The following ARHGAP33 variants were observed in gnomAD, a reference collection of about 807,000 sequenced individuals.
The protein encoded by ARHGAP33 is Rho GTPase activating protein 33.
ARHGAP33 carries 57 observed loss-of-function variants against 126.2 expected under a neutral mutation model. The observed-to-expected ratio is 0.45, with a 90% CI of 0.36 to 0.56. ARHGAP33 has a LOEUF of 0.56. Among genes scored for constraint, ARHGAP33 ranks in the 20% least tolerant of loss-of-function variants. The pLI is 0.00. For missense variants in ARHGAP33, 1,500 were observed against 1,748.3 expected, an observed-to-expected ratio of 0.86 and a Z score of 2.53; for synonymous variants, 711 against 755.0, an observed-to-expected ratio of 0.94 and a Z score of 0.95.
In ARHGAP33 at chr19:35,787,609, C is replaced by T; in HGVS notation, c.3044C>T (p.Ala1015Val). 1 of 1,604,978 alleles carries T rather than the reference C, an allele frequency of 6.2e-7. No individual in the cohort carries two copies. Among genetic ancestry groups the T allele is most frequent in the Non-Finnish European group, 8.5e-7 (1 of 1,177,266 alleles). ...GGCGGGGGCAGGGATGCGCCAGAGG[C>T]AGCAGCCCAGTCCCCATGTTCTGTC... is the stretch of plus-strand genomic sequence containing the variant. Reference protein sequence around the residue: ...AGGGGRDAPEAAAQSPCSVPS... With the variant: ...AGGGGRDAPEVAAQSPCSVPS... The change falls in exon 21 of 21, where the codon GCA becomes GTA. Residue 1015 changes from alanine (A) to valine (V), a missense_variant. Ala to Val is a moderately conservative substitution (Grantham distance 64, BLOSUM62 0). Coordinates refer to ENST00000007510, the MANE Select transcript of ARHGAP33 (RefSeq NM_001366178.1).
Position 35,786,715 on chromosome 19 carries a change from A to C in ARHGAP33, c.2245A>C (p.Ser749Arg). ...TGATCCCTTAACCTTCCGCTGCAGCAGCCCCACCCCAGGGGATCCCGCACC... is the reference window on the plus strand; with the variant it reads ...TGATCCCTTAACCTTCCGCTGCAGCCGCCCCACCCCAGGGGATCCCGCACC... ...DFDPLTFRCSSPTPGDPAPPA... is the reference protein window; with the variant it reads ...DFDPLTFRCSRPTPGDPAPPA... Residue 749 changes from serine (S) to arginine (R), a missense_variant, in exon 20 of 21, where the codon AGC becomes CGC. Coordinates refer to ENST00000007510, the MANE Select transcript of ARHGAP33 (RefSeq NM_001366178.1). This position sits in a 1 kb window ranked among gnomAD's most constrained non-coding sequence, Gnocchi z 7.0. The C allele has an allele frequency of 1.3e-6, 2 of 1,534,108 alleles. No individual in the cohort carries two copies. The highest frequency in any genetic ancestry group is 1.7e-6 in the Non-Finnish European group (2 of 1,145,976).
chr19:35,786,406 C>T lies in ARHGAP33; in HGVS notation c.1943-7C>T, dbSNP rs3746272. On this transcript the variant is annotated splice_region_variant and splice_polypyrimidine_tract_variant and intron_variant, in intron 19 of 20. Coordinates refer to ENST00000007510, the MANE Select transcript of ARHGAP33 (RefSeq NM_001366178.1). The surrounding 1 kb of genome is among the most constrained non-coding windows in gnomAD (Gnocchi z 7.0). ...CAGGGATGGTCTCACTGACCCCACC[C>T]CTCCAGGCCTCCAGAGGCTGCACAG... 1.5e-3 allele frequency: 2,344 copies of T among 1,526,050 alleles called. 29 individuals are homozygous for T. In the East Asian group the frequency reaches 0.036, roughly 23 times the overall value. 94.5% of individuals were successfully genotyped at this position (1,526,050 alleles called of 1,614,324 possible).
chr19:35,784,229 G>C lies in ARHGAP33; in HGVS notation c.1479G>C (p.Arg493=). 1 of 1,612,296 alleles carries C rather than the reference G, an allele frequency of 6.2e-7. No homozygotes were observed. The highest frequency in any genetic ancestry group is 8.5e-7 in the Non-Finnish European group (1 of 1,179,006). The part of the protein sequence containing the change: ...MGGAAAFREV[R]VQSVVVEFLL... ...GCGCGGCGGCGTTCCGGGAAGTTCG[G>C]GTGCAGTCGGTGGTGGTGGAGTTTC... The change falls in exon 16 of 21, where the codon CGG becomes CGC. Residue 493 remains arginine (R), a synonymous_variant. Transcript: ENST00000007510.
At chr19:35,784,040 G>A (rs542186783) in intron 15 of ARHGAP33, 132 bp from the exon 16 acceptor site, 13 of 680,708 alleles carry the variant, frequency 1.9e-5, no homozygotes, top group Non-Finnish European at 3.1e-5. Context: ...AGAGCCCAGC[G>A]AGGCGTGATC....
Position 35,786,449 on chromosome 19 carries a change from C to T in ARHGAP33, c.1979C>T (p.Ser660Phe), listed in dbSNP as rs1248137375. Reference sequence around the variant, plus strand: ...CTGCACAGGCTGCGGCGACCCCACTCCAGCAGCGACGCTTTCCCTGTGGGC... The same window carrying T: ...CTGCACAGGCTGCGGCGACCCCACTTCAGCAGCGACGCTTTCCCTGTGGGC... ...QRLHRLRRPH[S>F]SSDAFPVGPA... Residue 660 changes from serine to phenylalanine, a missense_variant, in exon 20 of 21, where the codon TCC (serine) becomes TTC (phenylalanine). Physicochemically the swap from Ser to Phe is radical, Grantham distance 155 (BLOSUM62 -2). This residue lies in a region of ARHGAP33 where 300 missense variants were observed against 291.1 expected (regional missense o/e 1.03). Transcript: ENST00000007510. The surrounding 1 kb of genome is among the most constrained non-coding windows in gnomAD (Gnocchi z 7.0). 1 of 1,535,580 alleles carries T rather than the reference C, an allele frequency of 6.5e-7. No individual in the cohort carries two copies. Among genetic ancestry groups the T allele is most frequent in the African/African-American group, 1.4e-5 (1 of 72,994 alleles).
At chr19:35,781,386 C>T (rs1043997933) in intron 12 of ARHGAP33, 134 bp downstream of exon 12, 35 of 854,284 alleles carry the variant, frequency 4.1e-5, no homozygotes, top group Middle Eastern at 3.2e-4. Context: ...TCAGGGACAG[C>T]TCTCTTGAGA....
chr19:35,781,433 G>A (rs896200863), intron 12 of ARHGAP33, among the ~76,000 whole-genome samples, 181 bp downstream of exon 12: 1 of 152,168 alleles, frequency 6.6e-6, no homozygotes, highest in African/African-American at 2.4e-5. Flanking sequence ...TATCTTCACC[G>A]AGCACCTGCC....
intron 1 of ARHGAP33, 97 bp from the exon 2 acceptor site, chr19:35,777,548 A>G (rs1308559847): frequency 5.1e-6 from 5 of 974,210 alleles, no homozygotes; most frequent in Non-Finnish European, 7.9e-6. Context: ...CGGTGTGTGG[A>G]GCGCCCGGGG....
At chr19:35,778,967 T>C (rs767893421) in intron 5 of ARHGAP33, 65 bp from the exon 6 acceptor site, 33 of 1,323,390 alleles carry the variant, frequency 2.5e-5, no homozygotes, top group Non-Finnish European at 3.4e-5. Context: ...GCTAGGGCAG[T>C]GTGGGAGGGC....
In ARHGAP33 at chr19:35,786,500, G is replaced by A. The variant is rs1237280329; in HGVS notation, c.2030G>A (p.Ser677Asn). Reference sequence around the variant, plus strand: ...CCAGCACCTGCTGGCTCCTGCGAGAGCCTGTCCTCGTCCTCCTCCTCCGAG... The same window carrying A: ...CCAGCACCTGCTGGCTCCTGCGAGAACCTGTCCTCGTCCTCCTCCTCCGAG... ...VGPAPAGSCESLSSSSSSESS... is the reference protein window; with the variant it reads ...VGPAPAGSCENLSSSSSSESS... Residue 677 changes from serine to asparagine, a missense_variant, in exon 20 of 21, where the codon AGC becomes AAC. By Grantham distance (46) the Ser-to-Asn change is conservative. This residue lies in a region of ARHGAP33 where 300 missense variants were observed against 291.1 expected (regional missense o/e 1.03). Coordinates refer to ENST00000007510, the MANE Select transcript of ARHGAP33 (RefSeq NM_001366178.1). This position sits in a 1 kb window ranked among gnomAD's most constrained non-coding sequence, Gnocchi z 7.0. 1 of 1,535,872 alleles carries A rather than the reference G, an allele frequency of 6.5e-7. No individual in the cohort carries two copies. Among genetic ancestry groups the A allele is most frequent in the African/African-American group, 1.4e-5 (1 of 72,978 alleles).
chr19:35,786,026 G>A lies in ARHGAP33; in HGVS notation c.1943-387G>A. The A allele has an allele frequency of 1.8e-6, 2 of 1,135,136 alleles. No individual in the cohort carries two copies. Among genetic ancestry groups the A allele is most frequent in the South Asian group, 3.0e-5 (1 of 33,002 alleles). 70.3% of individuals were successfully genotyped at this position (1,135,136 alleles called of 1,614,324 possible). On this transcript the variant is annotated intron_variant, in intron 19 of 20. Coordinates refer to ENST00000007510, the MANE Select transcript of ARHGAP33 (RefSeq NM_001366178.1). The surrounding 1 kb of genome is among the most constrained non-coding windows in gnomAD (Gnocchi z 7.0). ...CTCACAGCCCGCCGCGCTGCTGGGTGCTGCTCTCCGACCTCTGCGGGGGGC... is the reference window on the plus strand; with the variant it reads ...CTCACAGCCCGCCGCGCTGCTGGGTACTGCTCTCCGACCTCTGCGGGGGGC...
chr19:35,780,087 G>C lies in ARHGAP33; in HGVS notation c.502-124G>C, dbSNP rs1243743929. ...CAGGAATCTAGGTGTTTGACCAATA[G>C]CTCTGAGTGACAGGGGCTCTTGACG... On this transcript the variant is annotated intron_variant, in intron 6 of 20. Coordinates refer to ENST00000007510, the MANE Select transcript of ARHGAP33 (RefSeq NM_001366178.1). 11 of 1,354,772 alleles carry C rather than the reference G, an allele frequency of 8.1e-6. No homozygotes were observed. The East Asian group carries it at 2.3e-4, about 28-fold the overall frequency. The allele number at this position is 1,354,772 out of a possible 1,614,324, so 83.9% of individuals were successfully genotyped here.
chr19:35,785,308 G>A lies in ARHGAP33; in HGVS notation c.1841G>A (p.Gly614Asp). The change falls in exon 18 of 21, where the codon GGC becomes GAC. Residue 614 changes from glycine (G) to aspartate (D), a missense_variant. Gly to Asp is a moderately conservative substitution (Grantham distance 94). Coordinates refer to ENST00000007510, the MANE Select transcript of ARHGAP33 (RefSeq NM_001366178.1). ...AAGAAGCCCCTGCCCTGGCTGGGGG[G>A]CACCCGTGCCCCACCGCAGCCTTCA... ...PRKKPLPWLGGTRAPPQPSGS... is the reference protein window; with the variant it reads ...PRKKPLPWLGDTRAPPQPSGS... 1 of 1,606,490 alleles carries A rather than the reference G, an allele frequency of 6.2e-7. No individual in the cohort carries two copies. Among genetic ancestry groups the A allele is most frequent in the Non-Finnish European group, 8.5e-7 (1 of 1,175,598 alleles).
intron 2 of ARHGAP33, 39 bp downstream of exon 2, chr19:35,777,781 G>A: frequency 1.2e-6 from 2 of 1,613,798 alleles, no homozygotes; most frequent in Non-Finnish European, 1.7e-6. Context: ...TAGGAGCTGG[G>A]GAGACTCAAG....
chr19:35,778,724 T>C lies in ARHGAP33; in HGVS notation c.408+123T>C, dbSNP rs750777656. ...GGTATGGCCCAAGTCCCAACCAATCTGAATGAATGGAGAAGCCTTAGAAAC... is the reference window on the plus strand; with the variant it reads ...GGTATGGCCCAAGTCCCAACCAATCCGAATGAATGGAGAAGCCTTAGAAAC... On this transcript the variant is annotated intron_variant, in intron 5 of 20. Transcript: ENST00000007510. The C allele has an allele frequency of 2.3e-6, 3 of 1,323,668 alleles. No individual in the cohort carries two copies. The Admixed American group carries it at 8.3e-5, about 37-fold the overall frequency. 82.0% of individuals were successfully genotyped at this position (1,323,668 alleles called of 1,614,324 possible).
chr19:35,778,304 G>T lies in ARHGAP33; in HGVS notation c.214G>T (p.Gly72Trp), dbSNP rs1478896656. 2 of 1,614,082 alleles carry T rather than the reference G, an allele frequency of 1.2e-6. No individual in the cohort carries two copies. Among genetic ancestry groups the T allele is most frequent in the African/African-American group, 2.7e-5 (2 of 74,926 alleles). Residue 72 changes from glycine (G) to tryptophan (W), a missense_variant, in exon 4 of 21, where the codon GGG becomes TGG. Physicochemically the swap from Gly to Trp is radical, Grantham distance 184 (BLOSUM62 -2). This residue lies in a region of ARHGAP33 where 129 missense variants were observed against 145.9 expected (regional missense o/e 0.88). Transcript: ENST00000007510. Reference protein sequence around the residue: ...IQLLLSPDREGPSLSGENELV... With the variant: ...IQLLLSPDREWPSLSGENELV... ...GCTCCTGCTGTCTCCAGACCGTGAAGGGCCCAGCCTCTCTGGAGAGAATGA... is the reference window on the plus strand; with the variant it reads ...GCTCCTGCTGTCTCCAGACCGTGAATGGCCCAGCCTCTCTGGAGAGAATGA...
chr19:35,787,132 G>C, intron 20 of ARHGAP33, 36 bp from the exon 21 acceptor site: 1 of 1,604,738 alleles, frequency 6.2e-7, no homozygotes, highest in Non-Finnish European at 8.5e-7. Flanking sequence ...CTGAGGGCCT[G>C]GCCCCAGCTG....
In ARHGAP33 at chr19:35,787,545, C is replaced by T. The variant is rs752651017; in HGVS notation, c.2980C>T (p.Arg994Ter). 2 of 1,611,966 alleles carry T rather than the reference C, an allele frequency of 1.2e-6. No individual in the cohort carries two copies. Among genetic ancestry groups the T allele is most frequent in the Non-Finnish European group, 1.7e-6 (2 of 1,179,538 alleles). ...RPMGTSRRGLRGPAQVSAQLR... is the reference protein window; with the variant it reads ...RPMGTSRRGL The stretch of plus-strand genomic sequence containing the variant: ...CATGGGGACCTCAAGGAGGGGACTC[C>T]GAGGCCCTGCCCAGGTCAGTGCCCA... Residue 994 changes from arginine to a stop codon, truncating the protein, a stop_gained, in exon 21 of 21, where the codon CGA becomes TGA. Coordinates refer to ENST00000007510, the MANE Select transcript of ARHGAP33 (RefSeq NM_001366178.1). LOFTEE classifies it high-confidence loss of function.
chr19:35,781,289 A>G (rs1420109179), intron 12 of ARHGAP33, 37 bp downstream of exon 12: 5 of 1,597,398 alleles, frequency 3.1e-6, no homozygotes, highest in Non-Finnish European at 3.4e-6. Flanking sequence ...TTCCACAGGC[A>G]CTCACCCAGC....
Sources: allele counts gnomAD v4.1 joint callset (sites outside exome capture counted in the v4.1 genomes callset), GRCh38; gene constraint gnomAD v4.1.1; regional missense constraint gnomAD v4.1.1; non-coding constraint Gnocchi (gnomAD v3.1); transcripts MANE v1.5; gene names NCBI Gene and HGNC (gene_info 2026-07-23, HGNC 2026-07-21).